The following NCKAP5 variants were observed in gnomAD, a reference collection of about 807,000 sequenced individuals.
The protein encoded by NCKAP5 is NCK associated protein 5, also known as nck-associated protein 5.
A neutral mutation model predicts 167.0 loss-of-function variants in NCKAP5; 92 were observed. That is an observed-to-expected ratio of 0.55 (90% CI 0.47 to 0.66). The LOEUF (loss-of-function observed/expected upper bound fraction) is 0.66, where lower values mean the gene tolerates loss of function less well. Among genes scored for constraint, NCKAP5 ranks in the 30% least tolerant of loss-of-function variants. NCKAP5 has a pLI of 0.00. For missense variants in NCKAP5, 2,378 were observed against 2,315.0 expected (o/e 1.03, Z -0.56); for synonymous variants, 891 against 877.4 (o/e 1.02, Z -0.27).
Position 132,785,674 on chromosome 2 carries a change from C to T in NCKAP5, c.1137G>A (p.Ser379=), listed in dbSNP as rs768827650. The change falls in exon 14 of 20, where the codon TCG becomes TCA. Residue 379 remains serine (S), a synonymous_variant. Coordinates refer to ENST00000409261, the MANE Select transcript of NCKAP5 (RefSeq NM_207363.3). ...NWDKRLSIDS[S]LPSGFASPTN... is the part of the protein sequence containing the mutation. ...TAGGACTAGCAAAGCCACTTGGGAG[C>T]GAAGAATCAATACTTAGCCTTTTAT... 46 of 1,508,264 alleles carry T rather than the reference C, an allele frequency of 3.0e-5. No individual in the cohort carries two copies. The highest frequency in any genetic ancestry group is 7.1e-5 in the Admixed American group (3 of 42,518). 93.4% of individuals were successfully genotyped at this position (1,508,264 alleles called of 1,614,324 possible).
At chr2:132,695,899 G>A (rs186167131) in intron 19 of NCKAP5, among the ~76,000 whole-genome samples, 1 of 152,256 alleles carries the variant, frequency 6.6e-6, no homozygotes, top group East Asian at 1.9e-4. Context: ...TTTCAGAGAT[G>A]TATACCCTTC....
At chr2:132,725,884 GC>G in intron 18 of NCKAP5, 125 bp from the exon 19 acceptor site, 1 of 1,002,436 alleles carries the variant, frequency 1.0e-6, no homozygotes, top group Non-Finnish European at 1.4e-6. Flanking sequence ...CATTCCCACT[GC>G]CCAGCCCGCC....
At chr2:133,336,190 G>A (rs1045356322) in intron 3 of NCKAP5, among the ~76,000 whole-genome samples, 2 of 152,114 alleles carry the variant, frequency 1.3e-5, no homozygotes, top group East Asian at 1.9e-4. Flanking sequence ...TGTCTTGAGT[G>A]TGCCTGGTGT....
intron 8 of NCKAP5, among the ~76,000 whole-genome samples, chr2:132,936,870 T>C (rs1340881903): frequency 6.6e-6 from 1 of 152,228 alleles, no homozygotes. Flanking sequence ...CAGAAGCAGA[T>C]AATGAAATGA....
the NCKAP5 span, among the ~76,000 whole-genome samples, chr2:133,580,510 T>C: frequency 2.0e-5 from 3 of 152,138 alleles, no homozygotes; most frequent in Non-Finnish European, 4.4e-5. Flanking sequence ...CTTTAATAAT[T>C]TGGGGGGATG....
chr2:132,897,389 T>C (rs1281269425), intron 8 of NCKAP5, among the ~76,000 whole-genome samples: 2 of 152,244 alleles, frequency 1.3e-5, no homozygotes, highest in East Asian at 3.8e-4. Context: ...TTGTTGATCT[T>C]GTTAGAATAA....
At chr2:132,721,802 G>A (rs759900926) in intron 19 of NCKAP5, among the ~76,000 whole-genome samples, 14 of 152,170 alleles carry the variant, frequency 9.2e-5, no homozygotes, top group East Asian at 1.9e-4. Context: ...CAGGGTGTGC[G>A]AGGACAGATC....
At chr2:133,631,865 T>A in the NCKAP5 span, among the ~76,000 whole-genome samples, 1 of 152,212 alleles carries the variant, frequency 6.6e-6, no homozygotes, top group African/African-American at 2.4e-5. Flanking sequence ...TCTTGGGCTT[T>A]ACTGGGGTGG....
intron 19 of NCKAP5, among the ~76,000 whole-genome samples, chr2:132,701,140 T>G (rs1409148564): frequency 1.3e-5 from 2 of 152,178 alleles, no homozygotes; most frequent in African/African-American, 4.8e-5. Context: ...ATTCCTTGTT[T>G]ATCTGATATT....
intron 3 of NCKAP5, among the ~76,000 whole-genome samples, chr2:133,421,330 A>G (rs1467506965): frequency 6.6e-6 from 1 of 152,140 alleles, no homozygotes; most frequent in Non-Finnish European, 1.5e-5. Flanking sequence ...CTTTTGTTAC[A>G]CATGTCTCTA....
chr2:132,789,315 C>T (rs1359237142), intron 13 of NCKAP5, among the ~76,000 whole-genome samples: 1 of 152,158 alleles, frequency 6.6e-6, no homozygotes, highest in Admixed American at 6.6e-5. Flanking sequence ...CACCTAACAA[C>T]TCCTTAGAGG....
chr2:133,253,703 T>C (rs2088470269), intron 4 of NCKAP5, among the ~76,000 whole-genome samples: 1 of 152,186 alleles, frequency 6.6e-6, no homozygotes. Context: ...TCAGTTTCCT[T>C]ATATGTAAAA....
intron 19 of NCKAP5, among the ~76,000 whole-genome samples, chr2:132,713,973 A>G (rs1480348465): frequency 6.6e-6 from 1 of 152,234 alleles, no homozygotes; most frequent in East Asian, 1.9e-4. Context: ...TCTAATTAAA[A>G]TTGAAACTTC....
chr2:133,604,800 G>T, the NCKAP5 span, among the ~76,000 whole-genome samples: 1 of 152,150 alleles, frequency 6.6e-6, no homozygotes, highest in African/African-American at 2.4e-5. Flanking sequence ...CTTGGTCTGG[G>T]ATACCCTGTG....
rs1164335044 is a variant in NCKAP5, at chr2:133,476,453, T to G, written c.69+41005A>C. On this transcript the variant is annotated intron_variant, in intron 3 of 19. Transcript: ENST00000409261. ...CTCGCATTGGAGAGGCCCATACCAG[T>G]GTAATTAAAGCTGCCGATTCTGCTG... Among the ~76,000 whole-genome samples, 6 of 152,150 alleles carry G rather than the reference T, an allele frequency of 3.9e-5. 1 individual carries two copies. The highest frequency in any genetic ancestry group is 8.8e-5 in the Non-Finnish European group (6 of 68,040).
At chr2:133,052,440 G>A (rs111396321) in intron 6 of NCKAP5, among the ~76,000 whole-genome samples, 1,836 of 152,286 alleles carry the variant, frequency 0.012, 32 homozygotes, top group African/African-American at 0.041. Flanking sequence ...AGTTTGGGCC[G>A]GGCACGGTGG....
chr2:133,101,784 C>G (rs1336557089), intron 6 of NCKAP5, among the ~76,000 whole-genome samples: 1 of 152,144 alleles, frequency 6.6e-6, no homozygotes, highest in Non-Finnish European at 1.5e-5. Flanking sequence ...ACTGTTCCAC[C>G]AAGTGTTCAC....
At chr2:133,181,319 C>G (rs1298073014) in intron 5 of NCKAP5, among the ~76,000 whole-genome samples, 1 of 151,760 alleles carries the variant, frequency 6.6e-6, no homozygotes. Context: ...AGAAAAGCTA[C>G]ATAAACCGAT....
chr2:133,285,249 GAC>G (rs2090066544), intron 4 of NCKAP5, among the ~76,000 whole-genome samples: 1 of 152,158 alleles, frequency 6.6e-6, no homozygotes, highest in South Asian at 2.1e-4. Flanking sequence ...GCAAGCATTT[GAC>G]AGGAAAAATA....
Sources: gnomAD v4.1 joint callset for allele counts (sites outside exome capture counted in the v4.1 genomes callset) on GRCh38, gnomAD v4.1.1 for gene constraint, MANE v1.5 for transcripts, NCBI Gene and HGNC (gene_info 2026-07-23, HGNC 2026-07-21) for gene names.